The following JARID2 variants were observed in gnomAD, a reference collection of about 807,000 sequenced individuals.
The protein encoded by JARID2 is jumonji and AT-rich interaction domain containing 2, also known as protein Jumonji.
A neutral mutation model predicts 125.6 loss-of-function variants in JARID2; 21 were observed. The observed-to-expected ratio is 0.17, with a 90% CI of 0.12 to 0.24. The LOEUF (loss-of-function observed/expected upper bound fraction) is 0.24. Among genes scored for constraint, JARID2 ranks in the 10% least tolerant of loss-of-function variants. The pLI is 1.00. For missense variants in JARID2, 1,303 were observed against 1,639.6 expected, an observed-to-expected ratio of 0.79 and a Z score of 3.55; for synonymous variants, 736 against 661.6, an observed-to-expected ratio of 1.11 and a Z score of -1.73.
chr6:15,342,628 A>G (rs528769100), intron 1 of JARID2, among the ~76,000 whole-genome samples: 1 of 152,320 alleles, frequency 6.6e-6, no homozygotes, highest in Non-Finnish European at 1.5e-5. Context: ...TATTCAGAAT[A>G]TACACATTTT....
chr6:15,478,165 C>G (rs62396116), intron 5 of JARID2, among the ~76,000 whole-genome samples: 1 of 152,294 alleles, frequency 6.6e-6, no homozygotes, highest in African/African-American at 2.4e-5. Context: ...CTTCGTAACT[C>G]TTTCTGTGAC....
chr6:15,506,462 C>G (rs1771010841), intron 9 of JARID2, among the ~76,000 whole-genome samples: 1 of 152,198 alleles, frequency 6.6e-6, no homozygotes, highest in East Asian at 1.9e-4. Context: ...TAACTGGACC[C>G]TATGATGCTG....
At chr6:15,461,322 CAT>C (rs1205599502) in intron 4 of JARID2, among the ~76,000 whole-genome samples, 1 of 152,182 alleles carries the variant, frequency 6.6e-6, no homozygotes, top group African/African-American at 2.4e-5. Context: ...TGAAGTCCCA[CAT>C]GTTAATTGCA....
At chr6:15,477,815 T>C (rs755800631) in intron 5 of JARID2, among the ~76,000 whole-genome samples, 5 of 152,222 alleles carry the variant, frequency 3.3e-5, no homozygotes, top group Admixed American at 1.3e-4. Flanking sequence ...CATAATGTGA[T>C]TGAAAAGATC....
chr6:15,404,970 A>G (rs1246602097), intron 2 of JARID2, among the ~76,000 whole-genome samples: 6 of 152,162 alleles, frequency 3.9e-5, no homozygotes, highest in African/African-American at 1.4e-4. Context: ...TACAGACTAC[A>G]TGCTCTAGTC....
At chr6:15,254,327 C>A (rs1166438283) in intron 1 of JARID2, among the ~76,000 whole-genome samples, 1 of 152,110 alleles carries the variant, frequency 6.6e-6, no homozygotes, top group Non-Finnish European at 1.5e-5. Flanking sequence ...AGTTTGATTT[C>A]CCAGGGCTGT....
intron 4 of JARID2, among the ~76,000 whole-genome samples, chr6:15,458,751 G>A (rs752371979): frequency 7.2e-5 from 11 of 152,198 alleles, no homozygotes; most frequent in Non-Finnish European, 1.5e-4. Flanking sequence ...CATTTGCTGC[G>A]GGTCTCCGCG....
chr6:15,250,728 G>A (rs1180186141), intron 1 of JARID2, among the ~76,000 whole-genome samples: 4 of 152,130 alleles, frequency 2.6e-5, no homozygotes, highest in Non-Finnish European at 4.4e-5. Context: ...TTTGGTACTC[G>A]GTAATGCCTG....
intron 1 of JARID2, among the ~76,000 whole-genome samples, chr6:15,253,564 G>C (rs1180809434): frequency 6.6e-6 from 1 of 152,032 alleles, no homozygotes; most frequent in Non-Finnish European, 1.5e-5. Context: ...GCAAAGTATA[G>C]ATCATTCCTG....
intron 3 of JARID2, among the ~76,000 whole-genome samples, chr6:15,428,043 C>T (rs899881633): frequency 2.0e-5 from 3 of 152,100 alleles, no homozygotes; most frequent in African/African-American, 7.2e-5. Context: ...TGCCTCCCTC[C>T]TATTTTATTG....
intron 5 of JARID2, among the ~76,000 whole-genome samples, chr6:15,469,361 CCTCCCCT>C (rs1768943098): frequency 1.2e-4 from 1 of 8,450 alleles, no homozygotes; most frequent in African/African-American, 4.2e-4. Flanking sequence ...CTCTCTCTCT[CCTCCCCT>C]TCTCCCCCTC....
intron 3 of JARID2, among the ~76,000 whole-genome samples, chr6:15,439,685 T>C (rs557220025): frequency 1.3e-5 from 2 of 152,320 alleles, no homozygotes; most frequent in African/African-American, 4.8e-5. Flanking sequence ...GTTTAAGAGA[T>C]TGGACTTCTT....
intron 1 of JARID2, among the ~76,000 whole-genome samples, chr6:15,303,573 G>A (rs1043392490): frequency 3.3e-5 from 5 of 152,210 alleles, no homozygotes; most frequent in African/African-American, 1.2e-4. Context: ...TGGAAGCACT[G>A]TTTAATATGC....
At chr6:15,507,546 C>G (rs983906832) in intron 11 of JARID2, 130 bp downstream of exon 11, 1 of 683,354 alleles carries the variant, frequency 1.5e-6, no homozygotes, top group Non-Finnish European at 2.5e-6. Flanking sequence ...ACAGGACATA[C>G]AGTGAAAATT....
chr6:15,362,635 A>G (rs953456605), intron 1 of JARID2, among the ~76,000 whole-genome samples: 5 of 152,148 alleles, frequency 3.3e-5, no homozygotes, highest in African/African-American at 1.2e-4. Context: ...TGGGCTCTGC[A>G]AGGAAATTTG....
At chr6:15,482,139 C>T (rs1053600627) in intron 5 of JARID2, among the ~76,000 whole-genome samples, 1 of 152,154 alleles carries the variant, frequency 6.6e-6, no homozygotes. Context: ...TGTGAAAGTC[C>T]CAGCTTAGCA....
At chr6:15,256,794 T>A (rs1031421389) in intron 1 of JARID2, among the ~76,000 whole-genome samples, 13 of 152,220 alleles carry the variant, frequency 8.5e-5, no homozygotes, top group African/African-American at 2.9e-4. Context: ...TGCTTACATG[T>A]CTCTCACCCT....
chr6:15,355,812 T>C (rs1368718630), intron 1 of JARID2, among the ~76,000 whole-genome samples: 1 of 152,220 alleles, frequency 6.6e-6, no homozygotes, highest in Non-Finnish European at 1.5e-5. Context: ...GGTTTTGCCA[T>C]GTTGGCCAGG....
At chr6:15,303,883 C>G (rs141961512) in intron 1 of JARID2, among the ~76,000 whole-genome samples, 1 of 152,230 alleles carries the variant, frequency 6.6e-6, no homozygotes, top group East Asian at 1.9e-4. Flanking sequence ...GTTTAATAAT[C>G]GGTAATCTTG....
Sources: allele counts gnomAD v4.1 joint callset (sites outside exome capture counted in the v4.1 genomes callset), GRCh38; gene constraint gnomAD v4.1.1; transcripts MANE v1.5; gene names NCBI Gene and HGNC (gene_info 2026-07-23, HGNC 2026-07-21).